The following ASH1L variants were observed in gnomAD, a reference collection of about 807,000 sequenced individuals.
ASH1L encodes ASH1 like histone lysine methyltransferase, also known as histone-lysine N-methyltransferase ASH1L.
A neutral mutation model predicts 269.0 loss-of-function variants in ASH1L; 23 were observed. The ratio of observed to expected loss-of-function variants is 0.09; its 90% CI spans 0.06 to 0.12. The LOEUF is 0.12. Ranked by LOEUF, ASH1L falls within the 10% of genes least tolerant of loss-of-function variation. ASH1L has a pLI of 1.00. For missense variants in ASH1L, 2,912 were observed against 3,567.8 expected, an observed-to-expected ratio of 0.82 and a Z score of 4.68; for synonymous variants, 1,187 against 1,253.5, an observed-to-expected ratio of 0.95 and a Z score of 1.12.
At chr1:155,372,729 G>C (rs536849767) in intron 10 of ASH1L, among the ~76,000 whole-genome samples, 2 of 151,742 alleles carry the variant, frequency 1.3e-5, no homozygotes, top group Non-Finnish European at 2.9e-5. Context: ...ATCCTGCCTC[G>C]GCCTCCTGAG....
chr1:155,429,077 A>C (rs185659393), intron 5 of ASH1L, among the ~76,000 whole-genome samples: 28 of 152,306 alleles, frequency 1.8e-4, no homozygotes, highest in Non-Finnish European at 3.2e-4. Context: ...AGGAATATTA[A>C]AAGCAGTTTT....
chr1:155,443,185 C>A (rs1301240459), intron 4 of ASH1L, among the ~76,000 whole-genome samples: 1 of 152,200 alleles, frequency 6.6e-6, no homozygotes, highest in Non-Finnish European at 1.5e-5. Flanking sequence ...TCTCCTCTAT[C>A]CCTTCATCAA....
intron 5 of ASH1L, among the ~76,000 whole-genome samples, chr1:155,417,873 G>T (rs571072239): frequency 2.0e-5 from 3 of 151,852 alleles, no homozygotes; most frequent in African/African-American, 7.3e-5. Flanking sequence ...CAGGGGAATC[G>T]CTTGAACCTG....
At chr1:155,366,984 G>A (rs1307190931) in intron 12 of ASH1L, among the ~76,000 whole-genome samples, 2 of 138,098 alleles carry the variant, frequency 1.4e-5, no homozygotes, top group African/African-American at 5.4e-5. Flanking sequence ...CCTGTAATGG[G>A]TTTGGTTTTT....
In ASH1L at chr1:155,370,983, T is replaced by C. The variant is rs1375217377; in HGVS notation, c.6333A>G (p.Arg2111=). The C allele has an allele frequency of 1.2e-6, 2 of 1,610,796 alleles. No homozygotes were observed. Among genetic ancestry groups the C allele is most frequent in the Non-Finnish European group, 1.7e-6 (2 of 1,179,150 alleles). ...TGGGGGAACACTCAGCAAAGATCAT[T>C]CTAGAAAAAAAAGGAATAACTGTAC... ...RKGCVDDCLN[R]MIFAECSPNT... is the part of the protein sequence containing the mutation. The change falls in exon 11 of 28, where the codon AGA becomes AGG. Residue 2111 remains arginine, a splice_region_variant and synonymous_variant. Transcript: ENST00000392403.
intron 6 of ASH1L, among the ~76,000 whole-genome samples, chr1:155,401,069 GAGAATCATTTGAACC>G: frequency 6.6e-6 from 1 of 152,212 alleles, no homozygotes; most frequent in East Asian, 1.9e-4. Context: ...GCTGAGGCAC[GAGAATCATTTGAACC>G]AGGGAGGTGG....
rs148641716 is a variant in ASH1L, at chr1:155,483,469, A to G, written c.421-1020T>C. ...AAAGCCCCAATCATTGAAACAGTACAGAAGTGACAAATGAAAAGACAAACA... is the reference window on the plus strand; with the variant it reads ...AAAGCCCCAATCATTGAAACAGTACGGAAGTGACAAATGAAAAGACAAACA... On this transcript the variant is annotated intron_variant, in intron 2 of 27. Transcript: ENST00000392403. Among the ~76,000 whole-genome samples, 1,031 of 152,284 alleles carry G rather than the reference A, an allele frequency of 6.8e-3. 8 individuals carry two copies. Among genetic ancestry groups the G allele is most frequent in the African/African-American group, 0.024 (982 of 41,568 alleles).
At position 155,480,771 on chromosome 1, in the gene ASH1L, A is replaced by G. The variant is rs745844905; in HGVS notation, c.2099T>C (p.Leu700Pro). 1.2e-6 allele frequency: 2 copies of G among 1,613,932 alleles called. No homozygotes were observed. The highest frequency in any genetic ancestry group is 1.7e-6 in the Non-Finnish European group (2 of 1,179,986). ...TGGTTTGGACTGCAAACTAGTACTT[A>G]GGCTTTCAGCAACTTGGCAGTGTTT... ...SDKHCQVAES[L>P]STSLQSKPLK... The change falls in exon 3 of 28, where the codon CTA (leucine) becomes CCA (proline). Residue 700 changes from leucine to proline, a missense_variant. Around this residue, in one of 13 missense-constraint regions of ASH1L, gnomAD observed 715 missense variants for 721.0 expected, o/e 0.99. Transcript: ENST00000392403.
chr1:155,479,989 C>T lies in ASH1L; in HGVS notation c.2881G>A (p.Asp961Asn), dbSNP rs771889350. ...TTTTTATCTGGTTCCATCTCAAGGT[C>T]ACTCATACTACAGACACTTGGCCTA... Reference protein sequence around the residue: ...SHRPSVCSMSDLEMEPDKKIT... With the variant: ...SHRPSVCSMSNLEMEPDKKIT... Residue 961 changes from aspartate (D) to asparagine (N), a missense_variant, in exon 3 of 28, where the codon GAC becomes AAC. Asp to Asn is a conservative substitution (Grantham distance 23). Around this residue, in one of 13 missense-constraint regions of ASH1L, gnomAD observed 715 missense variants for 721.0 expected, o/e 0.99. Coordinates refer to ENST00000392403, the MANE Select transcript of ASH1L (RefSeq NM_018489.3). The T allele has an allele frequency of 6.2e-7, 1 of 1,613,888 alleles. No individual in the cohort carries two copies. Among genetic ancestry groups the T allele is most frequent in the East Asian group, 2.2e-5 (1 of 44,884 alleles).
At chr1:155,559,277 C>T (rs1671800431) in intron 1 of ASH1L, among the ~76,000 whole-genome samples, 1 of 152,142 alleles carries the variant, frequency 6.6e-6, no homozygotes, top group Non-Finnish European at 1.5e-5. Flanking sequence ...GGTGGCTCAC[C>T]CCTGTAATCT....
chr1:155,422,641 CTT>C (rs545766887), intron 5 of ASH1L, among the ~76,000 whole-genome samples: 83 of 149,980 alleles, frequency 5.5e-4, no homozygotes, highest in Non-Finnish European at 9.9e-4. Context: ...TTGATTTTTT[CTT>C]TTTCTTTCTG....
chr1:155,544,290 C>CTT (rs34917347), intron 1 of ASH1L, among the ~76,000 whole-genome samples: 6 of 143,804 alleles, frequency 4.2e-5, no homozygotes, highest in Admixed American at 7.0e-5. Context: ...GAGAAACCCC[C>CTT]TTTTTTTTTT....
intron 3 of ASH1L, among the ~76,000 whole-genome samples, chr1:155,469,983 A>C (rs1664976227): frequency 6.6e-6 from 1 of 152,156 alleles, no homozygotes; most frequent in African/African-American, 2.4e-5. Context: ...CAAACCATTA[A>C]CACTTAACTA....
At position 155,478,389 on chromosome 1, in the gene ASH1L, G is replaced by A; in HGVS notation, c.4481C>T (p.Ser1494Phe). The A allele has an allele frequency of 6.2e-7, 1 of 1,614,088 alleles. No homozygotes were observed. Among genetic ancestry groups the A allele is most frequent in the Non-Finnish European group, 8.5e-7 (1 of 1,180,026 alleles). ...RHRHKHREHR[S>F]SEQPQVSMDT... ...CATAGAAACCTGGGGTTGTTCAGAA[G>A]AACGGTGTTCTCTGTGTTTGTGACG... The change falls in exon 3 of 28, where the codon TCT becomes TTT. Residue 1494 changes from serine (S) to phenylalanine (F), a missense_variant. By Grantham distance (155) the Ser-to-Phe change is radical (BLOSUM62 -2). Around this residue, in one of 13 missense-constraint regions of ASH1L, gnomAD observed 789 missense variants for 897.6 expected, o/e 0.88. Transcript: ENST00000392403. This position sits in a 1 kb window ranked among gnomAD's most constrained non-coding sequence, Gnocchi z 4.6.
intron 2 of ASH1L, among the ~76,000 whole-genome samples, chr1:155,492,315 T>C (rs1216723519): frequency 6.6e-6 from 1 of 152,210 alleles, no homozygotes; most frequent in African/African-American, 2.4e-5. Flanking sequence ...AGTGCTGGGA[T>C]TACAGGCGTG....
intron 1 of ASH1L, among the ~76,000 whole-genome samples, chr1:155,528,179 A>G (rs1669406195): frequency 6.6e-6 from 1 of 152,172 alleles, no homozygotes; most frequent in Non-Finnish European, 1.5e-5. Flanking sequence ...AAATCAATTC[A>G]TCTTTGCCCA....
At chr1:155,524,661 C>T in intron 1 of ASH1L, among the ~76,000 whole-genome samples, 1 of 151,710 alleles carries the variant, frequency 6.6e-6, no homozygotes. Context: ...AGTGAGACCT[C>T]ATCTCTACAA....
chr1:155,355,008 G>A (rs758918588), intron 15 of ASH1L, among the ~76,000 whole-genome samples: 1 of 152,154 alleles, frequency 6.6e-6, no homozygotes, highest in African/African-American at 2.4e-5. Context: ...AGATGGATAC[G>A]CACTGGGCAA....
chr1:155,539,438 A>ATT (rs1398455621), intron 1 of ASH1L, among the ~76,000 whole-genome samples: 1 of 105,168 alleles, frequency 9.5e-6, no homozygotes, highest in Non-Finnish European at 2.5e-5. Context: ...AAGGTGTTTT[A>ATT]TTTTATATAT....
Sources: gnomAD v4.1 joint callset for allele counts (sites outside exome capture counted in the v4.1 genomes callset) on GRCh38, gnomAD v4.1.1 for gene constraint, gnomAD v4.1.1 regional missense constraint, Gnocchi (gnomAD v3.1) non-coding constraint, MANE v1.5 for transcripts, NCBI Gene and HGNC (gene_info 2026-07-23, HGNC 2026-07-21) for gene names.